The following FANCM variants were observed in gnomAD, a reference collection of about 807,000 sequenced individuals.
The protein encoded by FANCM is FA complementation group M, also known as Fanconi anemia group M protein.
A neutral mutation model predicts 199.5 loss-of-function variants in FANCM; 140 were observed. The ratio of observed to expected loss-of-function variants is 0.70; its 90% CI spans 0.61 to 0.81. The LOEUF (loss-of-function observed/expected upper bound fraction) is 0.81, where lower values mean the gene tolerates loss of function less well. Among genes scored for constraint, FANCM ranks in the 30% least tolerant of loss-of-function variants. The pLI is 0.00. For synonymous variants in FANCM, 840 were observed against 836.8 expected (o/e 1.00, Z -0.07); for missense variants, 2,410 against 2,421.4 (o/e 1.00, Z 0.10).
chr14:45,151,100 T>C (rs952074665), intron 4 of FANCM, among the ~76,000 whole-genome samples: 1 of 152,188 alleles, frequency 6.6e-6, no homozygotes, highest in Non-Finnish European at 1.5e-5. Context: ...GTACTTACAC[T>C]TAGATTATAG....
intron 9 of FANCM, among the ~76,000 whole-genome samples, chr14:45,164,062 C>T (rs1177924072): frequency 2.6e-5 from 4 of 152,144 alleles, no homozygotes; most frequent in Non-Finnish European, 4.4e-5. Flanking sequence ...CCTCCTGCCT[C>T]GGTCTCCCAA....
chr14:45,153,099 A>C (rs569090171), intron 5 of FANCM, among the ~76,000 whole-genome samples: 2 of 152,186 alleles, frequency 1.3e-5, no homozygotes, highest in Admixed American at 6.5e-5. Flanking sequence ...ATCTCAAAGG[A>C]AAATAATTAG....
At chr14:45,147,163 A>C (rs886753710) in intron 3 of FANCM, among the ~76,000 whole-genome samples, 1 of 152,200 alleles carries the variant, frequency 6.6e-6, no homozygotes, top group Non-Finnish European at 1.5e-5. Context: ...GATTTTGAAT[A>C]CGTATAGGCC....
Position 45,198,508 on chromosome 14 carries a change from G to A in FANCM, c.5717-136G>A, listed in dbSNP as rs915108559. 7 of 551,128 alleles carry A rather than the reference G, an allele frequency of 1.3e-5. No homozygotes were observed. In the South Asian group the frequency reaches 2.2e-4, roughly 17 times the overall value. The allele number at this position is 551,128 out of a possible 1,614,324, so 34.1% of individuals were successfully genotyped here. A position where few individuals can be genotyped will look rare whatever the true frequency, so the allele number is the denominator to read the frequency against. On this transcript the variant is annotated intron_variant, in intron 21 of 22. Coordinates refer to ENST00000267430, the MANE Select transcript of FANCM (RefSeq NM_020937.4). Reference sequence around the variant, plus strand: ...GATATTTGAGAAACATTAGTTGTAGGGTTTCTCATTAGCAGAATGTGGCAC... The same window carrying A: ...GATATTTGAGAAACATTAGTTGTAGAGTTTCTCATTAGCAGAATGTGGCAC...
intron 13 of FANCM, among the ~76,000 whole-genome samples, chr14:45,173,440 T>C (rs559474206): frequency 6.6e-6 from 1 of 152,314 alleles, no homozygotes; most frequent in East Asian, 1.9e-4. Flanking sequence ...TTTAATATAC[T>C]TAAATGATTT....
Position 45,136,136 on chromosome 14 carries a change from TG to T in FANCM, c.107del (p.Gly36AlafsTer35), listed in dbSNP as rs1885473805. 3 of 1,614,200 alleles carry T rather than the reference TG, an allele frequency of 1.9e-6. No individual in the cohort carries two copies. The highest frequency in any genetic ancestry group is 1.7e-5 in the Admixed American group (1 of 60,022). On this transcript the variant is annotated frameshift_variant, in exon 1 of 23. Coordinates refer to ENST00000267430, the MANE Select transcript of FANCM (RefSeq NM_020937.4). LOFTEE classifies it high-confidence loss of function. The stretch of plus-strand genomic sequence containing the variant: ...CCGGAACTGAGCGACCTCAGAGCCC[TG>T]GCAGCTCCAAGGCGCCTTTGCCAGC... ...SSGTERPQSP[G>X]SSKAPLPAAA...
intron 3 of FANCM, among the ~76,000 whole-genome samples, chr14:45,141,085 C>G (rs1369547219): frequency 6.6e-6 from 1 of 151,892 alleles, no homozygotes. Context: ...TCAGGAGATC[C>G]AGACCATCCT....
intron 3 of FANCM, among the ~76,000 whole-genome samples, chr14:45,145,476 TC>T (rs1404565881): frequency 6.6e-6 from 1 of 152,164 alleles, no homozygotes; most frequent in African/African-American, 2.4e-5. Flanking sequence ...TTGACTGAGT[TC>T]CACCTGGTTT....
At chr14:45,137,312 T>A in intron 2 of FANCM, 71 bp downstream of exon 2, 1 of 1,213,526 alleles carries the variant, frequency 8.2e-7, no homozygotes, top group Non-Finnish European at 1.2e-6. Flanking sequence ...GAATAGTTAC[T>A]AGTGATGGAA....
chr14:45,164,096 C>G lies in FANCM; in HGVS notation c.1582-263C>G, dbSNP rs145126452. Among the ~76,000 whole-genome samples, 27 of 152,300 alleles carry G rather than the reference C, an allele frequency of 1.8e-4. No homozygotes were observed. In the East Asian group the frequency reaches 5.0e-3, roughly 28 times the overall value. On this transcript the variant is annotated intron_variant, in intron 9 of 22. Transcript: ENST00000267430. ...AAGTAGTTAGTGCTACATGCATACA[C>G]CATCATGCTGGGCTAGTTTTTTTAT...
rs779231612 is a variant in FANCM at position 45,151,513 on chromosome 14, A to G, written c.1035A>G (p.Pro345=). The change falls in exon 5 of 23, where the codon CCA becomes CCG. Residue 345 remains proline, a synonymous_variant. Transcript: ENST00000267430. ...CAAGAGATCAGTTTAGGAAAAACCC[A>G]TCTCCGAATATTGTGGTAGGTATTT... ...ILARDQFRKN[P]SPNIVGIQQG... The G allele has an allele frequency of 3.1e-6, 5 of 1,612,382 alleles. No homozygotes were observed. Among genetic ancestry groups the G allele is most frequent in the East Asian group, 4.5e-5 (2 of 44,816 alleles).
chr14:45,165,463 G>A lies in FANCM; in HGVS notation c.1788+898G>A, dbSNP rs780267598. On this transcript the variant is annotated intron_variant, in intron 10 of 22. Coordinates refer to ENST00000267430, the MANE Select transcript of FANCM (RefSeq NM_020937.4). ...CTTGGGAGTCTGAGGCAGGAGAATC[G>A]CTTGAACCTGGGAGGTAGAGGTTGC... Among the ~76,000 whole-genome samples the A allele has an allele frequency of 1.1e-4, 17 of 152,176 alleles. 1 individual carries two copies. Among genetic ancestry groups the A allele is most frequent in the African/African-American group, 2.6e-4 (11 of 41,520 alleles).
At chr14:45,174,070 T>A (rs1888508710) in intron 13 of FANCM, among the ~76,000 whole-genome samples, 2 of 152,102 alleles carry the variant, frequency 1.3e-5, no homozygotes, top group South Asian at 4.1e-4. Context: ...TTGCTCACAT[T>A]AATGCTTATT....
rs1364298078 is a variant in FANCM at position 45,136,513 on chromosome 14, C to G, written c.482C>G (p.Pro161Arg). Residue 161 changes from proline (P) to arginine (R), a missense_variant, in exon 1 of 23, where the codon CCG becomes CGG. By Grantham distance (103) the Pro-to-Arg change is moderately radical. Transcript: ENST00000267430. ...IEACYQVMGI[P>R]QSHMAEMTGS... ...GCTTGCTACCAGGTGATGGGTATCC[C>G]GCAATCCCACATGGCCGAAATGACA... 1 of 1,613,984 alleles carries G rather than the reference C, an allele frequency of 6.2e-7. No individual in the cohort carries two copies. Among genetic ancestry groups the G allele is most frequent in the South Asian group, 1.1e-5 (1 of 91,078 alleles).
intron 21 of FANCM, 147 bp from the exon 22 acceptor site, chr14:45,198,497 A>G (rs989515430): frequency 9.6e-6 from 5 of 520,114 alleles, no homozygotes; most frequent in Non-Finnish European, 1.7e-5. Flanking sequence ...TTTGAGAAAC[A>G]TTAGTTGTAG....
intron 3 of FANCM, among the ~76,000 whole-genome samples, chr14:45,143,170 A>G (rs796491676): frequency 5.1e-4 from 72 of 139,894 alleles, no homozygotes; most frequent in African/African-American, 1.8e-3. Flanking sequence ...TTAGACATGC[A>G]CTTTTTTTTT....
rs1888027637 is a variant in FANCM, at chr14:45,167,025, T to C, written c.1864T>C (p.Tyr622His). 1 of 1,612,244 alleles carries C rather than the reference T, an allele frequency of 6.2e-7. No individual in the cohort carries two copies. Among genetic ancestry groups the C allele is most frequent in the Non-Finnish European group, 8.5e-7 (1 of 1,178,282 alleles). The change falls in exon 11 of 23, where the codon TAC (tyrosine) becomes CAC (histidine). Residue 622 changes from tyrosine to histidine, a missense_variant. Transcript: ENST00000267430. ...ISSNRQVLHFYQRSPRMVPDG... is the reference protein window; with the variant it reads ...ISSNRQVLHFHQRSPRMVPDG... ...AAGTAACAGGCAGGTCCTTCATTTT[T>C]ACCAAAGAAGTCCACGAATGGTTCC...
intron 3 of FANCM, among the ~76,000 whole-genome samples, chr14:45,144,076 A>G (rs1409248335): frequency 6.6e-6 from 1 of 151,942 alleles, no homozygotes; most frequent in Non-Finnish European, 1.5e-5. Flanking sequence ...GTAGGTATAT[A>G]TATTTATGGT....
In FANCM at chr14:45,154,003, A is replaced by G. The variant is rs776630034; in HGVS notation, c.1134A>G (p.Gly378=). The change falls in exon 6 of 23, where the codon GGA becomes GGG. Residue 378 remains glycine (G), a synonymous_variant. Transcript: ENST00000267430. The stretch of plus-strand genomic sequence containing the variant: ...GTTATGAATTATTGCAGCAAATGGG[A>G]ATGAGATCATTATATTTCTTCCTTT... ...YHGYELLQQM[G]MRSLYFFLCG... is the part of the protein sequence containing the mutation. The G allele has an allele frequency of 1.3e-6, 2 of 1,583,596 alleles. No individual in the cohort carries two copies. Among genetic ancestry groups the G allele is most frequent in the South Asian group, 1.1e-5 (1 of 90,398 alleles).
Sources: gnomAD v4.1 joint callset for allele counts (sites outside exome capture counted in the v4.1 genomes callset) on GRCh38, gnomAD v4.1.1 for gene constraint, MANE v1.5 for transcripts, NCBI Gene and HGNC (gene_info 2026-07-23, HGNC 2026-07-21) for gene names.